Variants in PAIP2B observed in about 807,000 individuals in gnomAD.
PAIP2B encodes polyadenylate-binding protein-interacting protein 2B.
PAIP2B carries 13 observed loss-of-function variants against 17.0 expected under a neutral mutation model. That is an observed-to-expected ratio of 0.76 (90% CI 0.50 to 1.22). The LOEUF (loss-of-function observed/expected upper bound fraction) is 1.22. Among genes scored for constraint, PAIP2B ranks in the 50% most tolerant of loss-of-function variants. PAIP2B has a pLI of 0.00. For synonymous variants in PAIP2B, 43 were observed against 48.7 expected (o/e 0.88, Z 0.48); for missense variants, 117 against 144.5 (o/e 0.81, Z 0.98).
chr2:71,218,489 C>T (rs1012686725), intron 1 of PAIP2B, among the ~76,000 whole-genome samples: 1 of 152,010 alleles, frequency 6.6e-6, no homozygotes, highest in Non-Finnish European at 1.5e-5. Context: ...TAAAGACGAG[C>T]AAAGATGACA....
chr2:71,190,151 G>A, intron 2 of PAIP2B, 130 bp from the exon 3 acceptor site: 7 of 935,482 alleles, frequency 7.5e-6, no homozygotes, highest in Non-Finnish European at 1.1e-5. Flanking sequence ...TGGGTGTGGT[G>A]GCTCACAACT....
At chr2:71,190,058 A>G in intron 2 of PAIP2B, 37 bp from the exon 3 acceptor site, 1 of 1,574,654 alleles carries the variant, frequency 6.4e-7, no homozygotes, top group Non-Finnish European at 8.6e-7. Context: ...ACTTACTGTC[A>G]CAGCAAGACT....
At chr2:71,211,238 G>C (rs550797854) in intron 1 of PAIP2B, among the ~76,000 whole-genome samples, 1 of 150,276 alleles carries the variant, frequency 6.7e-6, no homozygotes, top group Non-Finnish European at 1.5e-5. Context: ...CAGCCTAGGG[G>C]ACAAAAGCAA....
Position 71,185,988 on chromosome 2 carries a change from T to C in PAIP2B, c.*2491A>G, listed in dbSNP as rs1384064744. The C allele has an allele frequency of 6.6e-6, 1 of 152,244 alleles. No individual in the cohort carries two copies. Among genetic ancestry groups the C allele is most frequent in the Non-Finnish European group, 1.5e-5 (1 of 68,050 alleles). The allele number at this position is 152,244 out of a possible 1,614,324, so 9.4% of individuals were successfully genotyped here. On this transcript the variant is annotated 3_prime_UTR_variant, in exon 4 of 4. Transcript: ENST00000244221. ...TCCATTTCTATACAAATTCTCAAACTTCTAGTTGCCAATTTAAAAAAGTTT... is the reference window on the plus strand; with the variant it reads ...TCCATTTCTATACAAATTCTCAAACCTCTAGTTGCCAATTTAAAAAAGTTT...
intron 1 of PAIP2B, among the ~76,000 whole-genome samples, chr2:71,205,913 A>T (rs1250715291): frequency 1.3e-5 from 2 of 152,188 alleles, no homozygotes; most frequent in Admixed American, 6.5e-5. Flanking sequence ...ATGAACCATC[A>T]TGTAAGTGAG....
intron 2 of PAIP2B, among the ~76,000 whole-genome samples, 177 bp from the exon 3 acceptor site, chr2:71,190,198 T>C (rs953989920): frequency 6.6e-6 from 1 of 152,046 alleles, no homozygotes; most frequent in African/African-American, 2.4e-5. Context: ...GGCAGGAGGA[T>C]TGCTTGAGGC....
At chr2:71,208,316 C>A (rs937360694) in intron 1 of PAIP2B, among the ~76,000 whole-genome samples, 1 of 151,892 alleles carries the variant, frequency 6.6e-6, no homozygotes, top group Non-Finnish European at 1.5e-5. Context: ...CCCAGCTACT[C>A]GGAGGCTGAG....
In PAIP2B at chr2:71,190,019, C is replaced by T; in HGVS notation, c.141G>A (p.Val47=). 1 of 1,609,812 alleles carries T rather than the reference C, an allele frequency of 6.2e-7. No homozygotes were observed. The highest frequency in any genetic ancestry group is 8.5e-7 in the Non-Finnish European group (1 of 1,178,146). Reference sequence around the variant, plus strand: ...AGTCTTGCTCCTGCAGTTCCTCCTCCACCTAGCAAGCAAAGGGGAGCAGCT... The same window carrying T: ...AGTCTTGCTCCTGCAGTTCCTCCTCTACCTAGCAAGCAAAGGGGAGCAGCT... ...MENEEDFNRQ[V]EEELQEQDFL... is the part of the protein sequence containing the mutation. The change falls in exon 3 of 4, where the codon GTG becomes GTA. Residue 47 remains valine (V), a splice_region_variant and synonymous_variant. Transcript: ENST00000244221.
chr2:71,200,863 C>T (rs571275671), intron 2 of PAIP2B, among the ~76,000 whole-genome samples: 1 of 152,332 alleles, frequency 6.6e-6, no homozygotes, highest in Non-Finnish European at 1.5e-5. Flanking sequence ...TGTTTATCTG[C>T]TCAGCCCTTC....
intron 2 of PAIP2B, among the ~76,000 whole-genome samples, chr2:71,199,422 A>AG (rs927786946): frequency 6.6e-6 from 1 of 152,104 alleles, no homozygotes; most frequent in African/African-American, 2.4e-5. Context: ...AAAAAAAAAA[A>AG]AATCTAGTTA....
At chr2:71,194,664 A>T (rs1228910668) in intron 2 of PAIP2B, among the ~76,000 whole-genome samples, 1 of 152,198 alleles carries the variant, frequency 6.6e-6, no homozygotes, top group Non-Finnish European at 1.5e-5. Context: ...CTAGATATAG[A>T]ATCATGTTGT....
In PAIP2B at chr2:71,187,386, CCT is replaced by C. The variant is rs1480234329; in HGVS notation, c.*1091_*1092del. Reference sequence around the variant, plus strand: ...ACATGGGTCAAGCAGGACTCACTTTCCTAGGCTGATTTTGAGTTCCTTTCCAT... The same window carrying C: ...ACATGGGTCAAGCAGGACTCACTTTCAGGCTGATTTTGAGTTCCTTTCCAT... On this transcript the variant is annotated 3_prime_UTR_variant, in exon 4 of 4. Transcript: ENST00000244221. 2.6e-5 allele frequency: 4 copies of C among 152,188 alleles called. No individual in the cohort carries two copies. Among genetic ancestry groups the C allele is most frequent in the Non-Finnish European group, 4.4e-5 (3 of 68,038 alleles). The allele number at this position is 152,188 out of a possible 1,614,324, so 9.4% of individuals were successfully genotyped here.
chr2:71,213,384 G>C lies in PAIP2B; in HGVS notation c.-11-10784C>G, dbSNP rs185134987. On this transcript the variant is annotated intron_variant, in intron 1 of 3. Coordinates refer to ENST00000244221, the MANE Select transcript of PAIP2B (RefSeq NM_020459.1). ...ATCCACTAGAAATCTTTTCAGGAAG[G>C]GTGCCATTTTGGGTTGGAAAAGCTC... Among the ~76,000 whole-genome samples, 17 of 152,308 alleles carry C rather than the reference G, an allele frequency of 1.1e-4. No homozygotes were observed. The East Asian group carries it at 1.7e-3, about 16-fold the overall frequency.
chr2:71,192,680 C>T (rs1479221350), intron 2 of PAIP2B, among the ~76,000 whole-genome samples: 2 of 152,058 alleles, frequency 1.3e-5, no homozygotes, highest in South Asian at 2.1e-4. Context: ...TAAGTGAGAA[C>T]ATGTAGTGTT....
At chr2:71,215,847 C>A (rs1041830190) in intron 1 of PAIP2B, among the ~76,000 whole-genome samples, 1 of 152,150 alleles carries the variant, frequency 6.6e-6, no homozygotes, top group Admixed American at 6.5e-5. Context: ...CTTTATATAT[C>A]TGTGTATCTA....
chr2:71,219,097 T>C (rs951950917), intron 1 of PAIP2B, among the ~76,000 whole-genome samples: 2 of 146,802 alleles, frequency 1.4e-5, no homozygotes, highest in African/African-American at 5.0e-5. Flanking sequence ...TTTTTTTTTT[T>C]TTTTTTGTAT....
At chr2:71,210,073 C>T (rs1206431207) in intron 1 of PAIP2B, among the ~76,000 whole-genome samples, 1 of 152,206 alleles carries the variant, frequency 6.6e-6, no homozygotes, top group Non-Finnish European at 1.5e-5. Flanking sequence ...ATCTGCCCGC[C>T]TCAGCCTCCC....
At chr2:71,193,148 A>G (rs1674729855) in intron 2 of PAIP2B, among the ~76,000 whole-genome samples, 1 of 151,922 alleles carries the variant, frequency 6.6e-6, no homozygotes, top group African/African-American at 2.4e-5. Flanking sequence ...CTGGTGTGAA[A>G]TTGTATCTCA....
At chr2:71,225,188 C>G (rs1170271089) in intron 1 of PAIP2B, among the ~76,000 whole-genome samples, 1 of 152,134 alleles carries the variant, frequency 6.6e-6, no homozygotes, top group Non-Finnish European at 1.5e-5. Context: ...CTGTGCTAGG[C>G]TCTAGTGTGA....
Sources: gnomAD v4.1 joint callset for allele counts (sites outside exome capture counted in the v4.1 genomes callset) on GRCh38, gnomAD v4.1.1 for gene constraint, MANE v1.5 for transcripts, NCBI Gene and HGNC (gene_info 2026-07-23, HGNC 2026-07-21) for gene names.